Variants in ELP2 observed in about 807,000 individuals in gnomAD.
The protein encoded by ELP2 is elongator complex protein 2.
Under a neutral mutation model 119.2 loss-of-function variants are expected in ELP2, and 90 were observed. The ratio of observed to expected loss-of-function variants is 0.75; its 90% CI spans 0.64 to 0.90. The LOEUF (loss-of-function observed/expected upper bound fraction) is 0.90, where lower values mean the gene tolerates loss of function less well. Among genes scored for constraint, ELP2 ranks in the 40% least tolerant of loss-of-function variants. The pLI is 0.00. For synonymous variants in ELP2, 339 were observed against 331.0 expected (o/e 1.02, Z -0.26); for missense variants, 921 against 967.8 (o/e 0.95, Z 0.64).
chr18:36,155,530 G>A (rs2090546451), intron 12 of ELP2, among the ~76,000 whole-genome samples: 1 of 152,174 alleles, frequency 6.6e-6, no homozygotes, highest in South Asian at 2.1e-4. Context: ...TATTGGGGAT[G>A]CAGAATGATA....
In ELP2 at chr18:36,138,327, G is replaced by A. The variant is rs2144600306; in HGVS notation, c.346G>A (p.Val116Ile). 6.2e-7 allele frequency: 1 copy of A among 1,614,154 alleles called. No homozygotes were observed. Among genetic ancestry groups the A allele is most frequent in the African/African-American group, 1.3e-5 (1 of 75,056 alleles). Residue 116 changes from valine (V) to isoleucine (I), a missense_variant, in exon 4 of 22, where the codon GTT (valine) becomes ATT (isoleucine). Coordinates refer to ENST00000358232, the MANE Select transcript of ELP2 (RefSeq NM_018255.4). ...HEGPVYAVHA[V>I]YQRRTSDPAL... The stretch of plus-strand genomic sequence containing the variant: ...AGGACCTGTTTATGCGGTGCATGCT[G>A]TTTACCAGAGGAGGACATCAGATCC...
At position 36,129,933 on chromosome 18, in the gene ELP2, C is replaced by T; in HGVS notation, c.-1C>T. 1 of 1,614,232 alleles carries T rather than the reference C, an allele frequency of 6.2e-7. No homozygotes were observed. The highest frequency in any genetic ancestry group is 8.5e-7 in the Non-Finnish European group (1 of 1,180,040). ...GTTTGTGCGGCTGACCAGTTGGCGA[C>T]ATGGTGGCACCCGTGCTGGAGACTT... On this transcript the variant is annotated 5_prime_UTR_variant, in exon 1 of 22. Coordinates refer to ENST00000358232, the MANE Select transcript of ELP2 (RefSeq NM_018255.4).
chr18:36,150,526 C>T (rs979259770), intron 11 of ELP2, among the ~76,000 whole-genome samples: 6 of 149,238 alleles, frequency 4.0e-5, no homozygotes, highest in African/African-American at 1.5e-4. Flanking sequence ...AGTAAATGCC[C>T]CTCAAGTGGA....
chr18:36,151,740 CTGTTT>C (rs1445050760), intron 11 of ELP2, among the ~76,000 whole-genome samples: 2 of 109,616 alleles, frequency 1.8e-5, no homozygotes. Flanking sequence ...CTGTTCTGTT[CTGTTT>C]TTTTTTTTTT....
At position 36,134,701 on chromosome 18, in the gene ELP2, T is replaced by C. The variant is rs146772453; in HGVS notation, c.217+1385T>C. Among the ~76,000 whole-genome samples, 1,470 of 152,314 alleles carry C rather than the reference T, an allele frequency of 9.7e-3. 19 individuals carry two copies. Among genetic ancestry groups the C allele is most frequent in the Non-Finnish European group, 0.016 (1,111 of 68,020 alleles). ...TCTAAGACCAAAAGTTATGAAAATT[T>C]CTGGACAAGATTATCTCCAGGTCTC... is the stretch of plus-strand genomic sequence containing the variant. On this transcript the variant is annotated intron_variant, in intron 2 of 21. Coordinates refer to ENST00000358232, the MANE Select transcript of ELP2 (RefSeq NM_018255.4).
At chr18:36,143,066 A>G (rs1401825799) in intron 8 of ELP2, 100 bp downstream of exon 8, 3 of 814,682 alleles carry the variant, frequency 3.7e-6, no homozygotes, top group Non-Finnish European at 5.9e-6. Context: ...GTTTTTCACA[A>G]TTGTCAGATT....
At chr18:36,135,012 C>T (rs1376097108) in intron 2 of ELP2, among the ~76,000 whole-genome samples, 3 of 152,106 alleles carry the variant, frequency 2.0e-5, no homozygotes, top group African/African-American at 4.8e-5. Flanking sequence ...TAGGATTAGT[C>T]ACATGTTAGG....
chr18:36,138,456 A>T (rs761650921), intron 4 of ELP2, 30 bp downstream of exon 4: 2 of 1,609,804 alleles, frequency 1.2e-6, no homozygotes, highest in Admixed American at 3.3e-5. Context: ...AATCCAGACA[A>T]ATGAAATAAT....
intron 18 of ELP2, among the ~76,000 whole-genome samples, chr18:36,166,494 C>G (rs558825947): frequency 7.3e-5 from 11 of 151,584 alleles, no homozygotes; most frequent in Admixed American, 2.0e-4. Flanking sequence ...CCACACCTGG[C>G]TAATTTTTTG....
chr18:36,137,784 A>C (rs2089878628), intron 3 of ELP2, among the ~76,000 whole-genome samples: 1 of 144,010 alleles, frequency 6.9e-6, no homozygotes, highest in African/African-American at 2.6e-5. Flanking sequence ...TCAATCCCAA[A>C]GTATACTCAT....
At chr18:36,141,491 G>C in intron 6 of ELP2, 2 of 406,028 alleles carry the variant, frequency 4.9e-6, no homozygotes, top group South Asian at 4.5e-5. Flanking sequence ...ATTTAAACGA[G>C]ATATAACATA....
intron 2 of ELP2, among the ~76,000 whole-genome samples, chr18:36,135,502 A>C (rs1292333589): frequency 2.0e-5 from 3 of 152,190 alleles, no homozygotes; most frequent in African/African-American, 7.2e-5. Flanking sequence ...GTTCAAATCT[A>C]ATGCTCTTTA....
At chr18:36,145,167 G>A (rs1370723267) in intron 9 of ELP2, 133 bp downstream of exon 9, 4 of 730,446 alleles carry the variant, frequency 5.5e-6, no homozygotes, top group Non-Finnish European at 9.9e-6. Context: ...AGTTGACAAA[G>A]TATAATACTG....
chr18:36,143,096 T>C (rs1004790302), intron 8 of ELP2, 130 bp downstream of exon 8: 4 of 686,028 alleles, frequency 5.8e-6, no homozygotes, highest in African/African-American at 5.6e-5. Context: ...AATTTCTTTT[T>C]TCTTTCTTTT....
intron 1 of ELP2, among the ~76,000 whole-genome samples, chr18:36,130,695 T>A (rs1313887698): frequency 2.0e-5 from 3 of 152,170 alleles, no homozygotes; most frequent in African/African-American, 7.2e-5. Flanking sequence ...AGTGAATAGT[T>A]TTTGCATGCT....
At position 36,169,679 on chromosome 18, in the gene ELP2, C is replaced by T. The variant is rs116159748; in HGVS notation, c.2077-384C>T. The stretch of plus-strand genomic sequence containing the variant: ...CTGGGATTACAGGCATGAGCCACCG[C>T]GCCCAGCCCAAAAGCTGATTAGTTC... On this transcript the variant is annotated intron_variant, in intron 19 of 21. Transcript: ENST00000358232. Among the ~76,000 whole-genome samples, 453 of 152,288 alleles carry T rather than the reference C, an allele frequency of 3.0e-3. 3 individuals carry two copies. Among genetic ancestry groups the T allele is most frequent in the African/African-American group, 0.011 (445 of 41,574 alleles).
At chr18:36,134,254 T>A (rs2089748211) in intron 2 of ELP2, among the ~76,000 whole-genome samples, 1 of 152,194 alleles carries the variant, frequency 6.6e-6, no homozygotes, top group African/African-American at 2.4e-5. Context: ...ACCTATGAGA[T>A]CAAATTATTT....
chr18:36,168,514 G>A (rs965724078), intron 19 of ELP2, among the ~76,000 whole-genome samples: 2 of 152,190 alleles, frequency 1.3e-5, no homozygotes, highest in African/African-American at 2.4e-5. Context: ...TTCTTCACGT[G>A]GTGGCAGGAG....
intron 20 of ELP2, 55 bp downstream of exon 20, chr18:36,170,251 T>C: frequency 1.2e-6 from 2 of 1,600,578 alleles, no homozygotes; most frequent in South Asian, 2.2e-5. Context: ...TCTTAATATG[T>C]AGCCCTCATG....
Sources: allele counts gnomAD v4.1 joint callset (sites outside exome capture counted in the v4.1 genomes callset), GRCh38; gene constraint gnomAD v4.1.1; transcripts MANE v1.5; gene names NCBI Gene and HGNC (gene_info 2026-07-23, HGNC 2026-07-21).